The following TTK variants were observed in gnomAD, a reference collection of about 807,000 sequenced individuals.
The protein encoded by TTK is TTK protein kinase, also known as dual specificity protein kinase TTK.
Under a neutral mutation model 117.3 loss-of-function variants are expected in TTK, and 59 were observed. That is an observed-to-expected ratio of 0.50 (90% CI 0.41 to 0.62). The LOEUF (loss-of-function observed/expected upper bound fraction) is 0.62, where lower values mean the gene tolerates loss of function less well. Among genes scored for constraint, TTK ranks in the 20% least tolerant of loss-of-function variants. The probability of loss-of-function intolerance (pLI) is 0.00; values close to 1 mark genes in which losing one functional copy is unlikely to be tolerated. For synonymous variants in TTK, 302 were observed against 325.0 expected (o/e 0.93, Z 0.76); for missense variants, 921 against 989.4 (o/e 0.93, Z 0.93).
At chr6:80,039,961 C>A in intron 19 of TTK, 89 bp downstream of exon 19, 2 of 1,130,742 alleles carry the variant, frequency 1.8e-6, no homozygotes, top group Non-Finnish European at 2.4e-6. Flanking sequence ...TATAACTGTT[C>A]TATTCAAAAG....
At chr6:80,012,404 CT>C (rs1278240221) in intron 8 of TTK, among the ~76,000 whole-genome samples, 3 of 151,882 alleles carry the variant, frequency 2.0e-5, no homozygotes, top group Admixed American at 2.0e-4. Context: ...TATTCTTTTG[CT>C]TGAGTCTAGT....
At chr6:80,016,537 G>T (rs1030504459) in intron 10 of TTK, among the ~76,000 whole-genome samples, 1 of 152,024 alleles carries the variant, frequency 6.6e-6, no homozygotes, top group Non-Finnish European at 1.5e-5. Context: ...TGTCACCCAG[G>T]TTGCAGTCTT....
At chr6:80,029,056 G>C (rs1479582819) in intron 13 of TTK, among the ~76,000 whole-genome samples, 1 of 152,144 alleles carries the variant, frequency 6.6e-6, no homozygotes, top group East Asian at 1.9e-4. Flanking sequence ...AATCAGAAAT[G>C]TTAGTAGCAA....
At chr6:80,012,172 T>C (rs1368878423) in intron 8 of TTK, among the ~76,000 whole-genome samples, 192 bp downstream of exon 8, 1 of 152,008 alleles carries the variant, frequency 6.6e-6, no homozygotes, top group Non-Finnish European at 1.5e-5. Context: ...TTTTCACTCA[T>C]TAAAAATATT....
rs556808456 is a variant in TTK, at chr6:80,039,689, T to C, written c.2131-7T>C. Reference sequence around the variant, plus strand: ...AACTTTTTTGTGTTTGTTTGTTTTTTTCTTAGATAAGCCCCAAAAGTGATG... The same window carrying C: ...AACTTTTTTGTGTTTGTTTGTTTTTCTCTTAGATAAGCCCCAAAAGTGATG... On this transcript the variant is annotated splice_polypyrimidine_tract_variant and splice_region_variant and intron_variant, in intron 18 of 21. Coordinates refer to ENST00000369798, the MANE Select transcript of TTK (RefSeq NM_003318.5). The C allele has an allele frequency of 6.7e-7, 1 of 1,489,930 alleles. No individual in the cohort carries two copies. Among genetic ancestry groups the C allele is most frequent in the Non-Finnish European group, 8.9e-7 (1 of 1,125,830 alleles). The allele number at this position is 1,489,930 out of a possible 1,614,324, so 92.3% of individuals were successfully genotyped here. A position where few individuals can be genotyped will look rare whatever the true frequency, so the allele number is the denominator to read the frequency against.
At chr6:80,027,332 G>A (rs1363431932) in intron 12 of TTK, among the ~76,000 whole-genome samples, 1 of 152,086 alleles carries the variant, frequency 6.6e-6, no homozygotes, top group African/African-American at 2.4e-5. Context: ...CTAAAATAGC[G>A]ATAATAGATA....
At chr6:80,038,154 T>G in intron 18 of TTK, 107 bp downstream of exon 18, 1 of 687,316 alleles carries the variant, frequency 1.5e-6, no homozygotes, top group Non-Finnish European at 2.2e-6. Context: ...TAAAACTTTT[T>G]AGGCCATTAC....
chr6:80,026,593 G>C (rs1582104001), intron 12 of TTK, 79 bp downstream of exon 12: 3 of 1,562,852 alleles, frequency 1.9e-6, no homozygotes, highest in Non-Finnish European at 2.6e-6. Context: ...AATAAATCTG[G>C]GATTAAATCC....
In TTK at chr6:80,011,781, C is replaced by G. The variant is rs1405629645; in HGVS notation, c.781C>G (p.Gln261Glu). Reference protein sequence around the residue: ...AEIGYRNSLRQTNKTKQSCPF... With the variant: ...AEIGYRNSLRETNKTKQSCPF... The stretch of plus-strand genomic sequence containing the variant: ...AATAGGTTACCGGAATTCATTGAGA[C>G]AAACTAACAAAACTAAACAGGTAAG... Residue 261 changes from glutamine (Q) to glutamate (E), a missense_variant, in exon 7 of 22, where the codon CAA becomes GAA. Coordinates refer to ENST00000369798, the MANE Select transcript of TTK (RefSeq NM_003318.5). 6 of 1,612,624 alleles carry G rather than the reference C, an allele frequency of 3.7e-6. No homozygotes were observed. The highest frequency in any genetic ancestry group is 1.7e-5 in the Admixed American group (1 of 59,852).
chr6:80,026,623 C>A, intron 12 of TTK, 109 bp downstream of exon 12: 1 of 1,435,684 alleles, frequency 7.0e-7, no homozygotes, highest in Non-Finnish European at 9.5e-7. Context: ...ACTTTAAAGA[C>A]TTTCCATCTT....
At chr6:80,041,644 G>A (rs1452012542) in intron 21 of TTK, among the ~76,000 whole-genome samples, 1 of 151,302 alleles carries the variant, frequency 6.6e-6, no homozygotes, top group Non-Finnish European at 1.5e-5. Context: ...ATCTTCATAA[G>A]TTAGATGTTA....
chr6:80,005,993 CT>C lies in TTK; in HGVS notation c.139+15del. 6.3e-7 allele frequency: 1 copy of C among 1,597,892 alleles called. No individual in the cohort carries two copies. Among genetic ancestry groups the C allele is most frequent in the African/African-American group, 1.4e-5 (1 of 73,526 alleles). ...CTGCTGATACTACAGGTGAGTTTTTCTTTTCTTTTAAGTTAGTAACTGTTTG... is the reference window on the plus strand; with the variant it reads ...CTGCTGATACTACAGGTGAGTTTTTCTTTCTTTTAAGTTAGTAACTGTTTG... On this transcript the variant is annotated intron_variant, in intron 2 of 21. Coordinates refer to ENST00000369798, the MANE Select transcript of TTK (RefSeq NM_003318.5).
chr6:80,041,122 A>G (rs1007531454), intron 21 of TTK, among the ~76,000 whole-genome samples: 16 of 151,770 alleles, frequency 1.1e-4, no homozygotes, highest in African/African-American at 3.9e-4. Context: ...CTCAAAGCAC[A>G]AGTCTCAAGC....
rs1024237602 is a variant in TTK, at chr6:80,008,751, C to A, written c.469+259C>A. On this transcript the variant is annotated intron_variant, in intron 4 of 21. Transcript: ENST00000369798. Reference sequence around the variant, plus strand: ...TGTGCTACTAGTTAGATTCAGGAAACATCTAAAGGAAAGTAGCTGCTTCAC... The same window carrying A: ...TGTGCTACTAGTTAGATTCAGGAAAAATCTAAAGGAAAGTAGCTGCTTCAC... Among the ~76,000 whole-genome samples, 4 of 152,018 alleles carry A rather than the reference C, an allele frequency of 2.6e-5. No individual in the cohort carries two copies. In the East Asian group the frequency reaches 7.7e-4, roughly 29 times the overall value.
At chr6:80,023,439 A>G (rs1294177991) in intron 11 of TTK, among the ~76,000 whole-genome samples, 1 of 152,050 alleles carries the variant, frequency 6.6e-6, no homozygotes, top group Non-Finnish European at 1.5e-5. Flanking sequence ...TAAAAATACA[A>G]AAAATTAGCC....
intron 12 of TTK, among the ~76,000 whole-genome samples, chr6:80,026,762 T>C (rs904127682): frequency 2.0e-5 from 3 of 152,228 alleles, no homozygotes; most frequent in Admixed American, 6.5e-5. Context: ...ACCTACAACC[T>C]ATAAATATTC....
In TTK at chr6:80,027,870, A is replaced by T; in HGVS notation, c.1395-15A>T. On this transcript the variant is annotated splice_polypyrimidine_tract_variant and intron_variant, in intron 12 of 21. Transcript: ENST00000369798. ...ATTGTAATGTTTTAAATAAAAATAT[A>T]TATATATTTCCTAGTTTTAGAACTC... 1 of 1,498,660 alleles carries T rather than the reference A, an allele frequency of 6.7e-7. No individual in the cohort carries two copies. The highest frequency in any genetic ancestry group is 9.0e-7 in the Non-Finnish European group (1 of 1,113,388). The allele number at this position is 1,498,660 out of a possible 1,614,324, so 92.8% of individuals were successfully genotyped here.
At chr6:80,006,220 A>G (rs2127713751) in intron 2 of TTK, 1 of 499,410 alleles carries the variant, frequency 2.0e-6, no homozygotes, top group South Asian at 1.7e-5. Flanking sequence ...TTAATGGGTG[A>G]AAATGCCCAG....
intron 3 of TTK, 149 bp downstream of exon 3, chr6:80,008,180 G>A: frequency 9.3e-7 from 1 of 1,074,056 alleles, no homozygotes. Flanking sequence ...AGAGACTAAT[G>A]TAAACTCTTT....
Sources: gnomAD v4.1 joint callset for allele counts (sites outside exome capture counted in the v4.1 genomes callset) on GRCh38, gnomAD v4.1.1 for gene constraint, MANE v1.5 for transcripts, NCBI Gene and HGNC (gene_info 2026-07-23, HGNC 2026-07-21) for gene names.